Variants in CYTH2 observed in about 807,000 individuals in gnomAD.
CYTH2 encodes the protein cytohesin-2.
A neutral mutation model predicts 55.4 loss-of-function variants in CYTH2; 24 were observed. The observed-to-expected ratio is 0.43, with a 90% CI of 0.31 to 0.61. The LOEUF is 0.61. Ranked by LOEUF, CYTH2 falls within the 20% of genes least tolerant of loss-of-function variation. The pLI, the probability that CYTH2 is intolerant of heterozygous loss-of-function variation, is 0.08. For synonymous variants in CYTH2, 221 were observed against 209.6 expected, an observed-to-expected ratio of 1.05 and a Z score of -0.47; for missense variants, 378 against 533.5, an observed-to-expected ratio of 0.71 and a Z score of 2.87.
At position 48,478,604 on chromosome 19, in the gene CYTH2, C is replaced by T. The variant is rs1299356882; in HGVS notation, c.1112+12C>T. On this transcript the variant is annotated intron_variant, in intron 11 of 11. Transcript: ENST00000452733. ...ATCAAGTCCATCCAGTGAGCCTGGA[C>T]TCCTGGGCCTGATGGAGGAGGGGCT... 2.6e-6 allele frequency: 4 copies of T among 1,545,988 alleles called. No homozygotes were observed. In the Admixed American group the frequency reaches 5.2e-5, roughly 20 times the overall value.
At chr19:48,472,690 T>C in intron 4 of CYTH2, 1 of 547,542 alleles carries the variant, frequency 1.8e-6, no homozygotes, top group South Asian at 1.9e-5. Context: ...TGGGGAAGCA[T>C]CCATTTATGT....
In CYTH2 at chr19:48,479,465, G is replaced by T; in HGVS notation, c.*255G>T. On this transcript the variant is annotated 3_prime_UTR_variant, in exon 12 of 12. Coordinates refer to ENST00000452733, the MANE Select transcript of CYTH2 (RefSeq NM_004228.7). Reference sequence around the variant, plus strand: ...AGCCAGCCTGTTTCCCTGGACAGGGGCCTGGACCCGCCTGTCTCTGGGTGC... The same window carrying T: ...AGCCAGCCTGTTTCCCTGGACAGGGTCCTGGACCCGCCTGTCTCTGGGTGC... The T allele has an allele frequency of 1.8e-5, 9 of 496,186 alleles. No individual in the cohort carries two copies. Among genetic ancestry groups the T allele is most frequent in the Non-Finnish European group, 2.9e-5 (8 of 274,202 alleles). 30.7% of individuals were successfully genotyped at this position (496,186 alleles called of 1,614,324 possible). A position where few individuals can be genotyped will look rare whatever the true frequency, so the allele number is the denominator to read the frequency against.
chr19:48,470,570 C>T, intron 2 of CYTH2, 33 bp from the exon 3 acceptor site: 1 of 1,614,196 alleles, frequency 6.2e-7, no homozygotes, highest in Non-Finnish European at 8.5e-7. Context: ...GGCATTGACC[C>T]TCCACCCCCA....
chr19:48,479,036 G>A (rs1038750107), intron 11 of CYTH2, 87 bp from the exon 12 acceptor site: 1 of 1,389,128 alleles, frequency 7.2e-7, no homozygotes, highest in Non-Finnish European at 1.0e-6. Flanking sequence ...GGGGCCGGGG[G>A]TCTGAGACTC....
At chr19:48,476,100 C>T (rs556112587) in intron 8 of CYTH2, 13 of 492,600 alleles carry the variant, frequency 2.6e-5, no homozygotes, top group South Asian at 1.3e-4. Context: ...TAAACCAGGG[C>T]ATCACCACCT....
chr19:48,474,117 C>T lies in CYTH2; in HGVS notation c.548-65C>T. The T allele has an allele frequency of 1.3e-6, 2 of 1,553,062 alleles. No individual in the cohort carries two copies. Among genetic ancestry groups the T allele is most frequent in the Non-Finnish European group, 1.7e-6 (2 of 1,148,982 alleles). ...GGCTGGGAGCTGGGAATCCTGGGTC[C>T]TGGGGAATGGGGGCACTGGGGACTG... On this transcript the variant is annotated intron_variant, in intron 6 of 11. Coordinates refer to ENST00000452733, the MANE Select transcript of CYTH2 (RefSeq NM_004228.7). The surrounding 1 kb of genome is among the most constrained non-coding windows in gnomAD (Gnocchi z 4.9).
intron 8 of CYTH2, chr19:48,476,010 T>C: frequency 1.9e-6 from 1 of 519,558 alleles, no homozygotes; most frequent in South Asian, 1.4e-5. Context: ...GGAGTCAAGG[T>C]CAGGCTTCTT....
Position 48,473,283 on chromosome 19 carries a change from G to C in CYTH2, c.354-15G>C. The C allele has an allele frequency of 9.3e-6, 15 of 1,613,832 alleles. No homozygotes were observed. Among genetic ancestry groups the C allele is most frequent in the Non-Finnish European group, 1.3e-5 (15 of 1,179,824 alleles). On this transcript the variant is annotated splice_polypyrimidine_tract_variant and intron_variant, in intron 4 of 11. Coordinates refer to ENST00000452733, the MANE Select transcript of CYTH2 (RefSeq NM_004228.7). ...TCCTTTCCAAACTGTATGTGTCTTT[G>C]TCCCATCCTTCCAGGGAAGAACTGA...
chr19:48,472,394 A>C lies in CYTH2; in HGVS notation c.304A>C (p.Lys102Gln), dbSNP rs1432884261. 1 of 1,613,886 alleles carries C rather than the reference A, an allele frequency of 6.2e-7. No homozygotes were observed. Among genetic ancestry groups the C allele is most frequent in the South Asian group, 1.1e-5 (1 of 91,064 alleles). Residue 102 changes from lysine (K) to glutamine (Q), a missense_variant, in exon 4 of 12, where the codon AAG becomes CAG. Physicochemically the swap from Lys to Gln is moderately conservative, Grantham distance 53 (BLOSUM62 1). Coordinates refer to ENST00000452733, the MANE Select transcript of CYTH2 (RefSeq NM_004228.7). ...CGAGGAGATCGCCCGCTTCCTGTAC[A>C]AGGGCGAGGGGCTGAACAAGACAGC... ...TPEEIARFLY[K>Q]GEGLNKTAIG...
Position 48,478,602 on chromosome 19 carries a change from G to C in CYTH2, c.1112+10G>C. On this transcript the variant is annotated intron_variant, in intron 11 of 11. Transcript: ENST00000452733. Reference sequence around the variant, plus strand: ...GGATCAAGTCCATCCAGTGAGCCTGGACTCCTGGGCCTGATGGAGGAGGGG... The same window carrying C: ...GGATCAAGTCCATCCAGTGAGCCTGCACTCCTGGGCCTGATGGAGGAGGGG... 1 of 1,550,126 alleles carries C rather than the reference G, an allele frequency of 6.5e-7. No homozygotes were observed. The highest frequency in any genetic ancestry group is 8.7e-7 in the Non-Finnish European group (1 of 1,145,534).
rs1417125300 is a variant in CYTH2 at position 48,474,816 on chromosome 19, T to C, written c.697-22T>C. 6.2e-7 allele frequency: 1 copy of C among 1,613,056 alleles called. No homozygotes were observed. Among genetic ancestry groups the C allele is most frequent in the African/African-American group, 1.3e-5 (1 of 74,902 alleles). On this transcript the variant is annotated intron_variant, in intron 7 of 11. Transcript: ENST00000452733. This position sits in a 1 kb window ranked among gnomAD's most constrained non-coding sequence, Gnocchi z 4.9. The stretch of plus-strand genomic sequence containing the variant: ...GGGGGCCCCAGGGGGCTCGAATGGC[T>C]AATGCAGCCTTTACTCCTCAGAACC...
In CYTH2 at chr19:48,472,435, G is replaced by C. The variant is rs1219727623; in HGVS notation, c.345G>C (p.Leu115=). 1.9e-6 allele frequency: 3 copies of C among 1,613,006 alleles called. No homozygotes were observed. Among genetic ancestry groups the C allele is most frequent in the East Asian group, 4.5e-5 (2 of 44,890 alleles). ...GLNKTAIGDY[L]GEREELNLAV... is the part of the protein sequence containing the mutation. ...ACAAGACAGCCATCGGGGACTACCTGGGGGAGAGGTACGGTCACCACTCAG... is the reference window on the plus strand; with the variant it reads ...ACAAGACAGCCATCGGGGACTACCTCGGGGAGAGGTACGGTCACCACTCAG... The change falls in exon 4 of 12, where the codon CTG becomes CTC. Residue 115 remains leucine, a synonymous_variant. Coordinates refer to ENST00000452733, the MANE Select transcript of CYTH2 (RefSeq NM_004228.7).
rs774525794 is a variant in CYTH2 at position 48,478,497 on chromosome 19, T to A, written c.1017T>A (p.Thr339=). The A allele has an allele frequency of 2.5e-6, 4 of 1,614,092 alleles. No individual in the cohort carries two copies. The highest frequency in any genetic ancestry group is 3.4e-6 in the Non-Finnish European group (4 of 1,180,020). The change falls in exon 11 of 12, where the codon ACT becomes ACA. Residue 339 remains threonine, a synonymous_variant. Transcript: ENST00000452733. ...NKGQLIKACK[T]EADGRVVEGN... ...GGCAGCTCATCAAAGCCTGCAAAACTGAGGCGGACGGCCGAGTGGTGGAGG... is the reference window on the plus strand; with the variant it reads ...GGCAGCTCATCAAAGCCTGCAAAACAGAGGCGGACGGCCGAGTGGTGGAGG...
At position 48,482,131 on chromosome 19, in the gene CYTH2, T is replaced by G. The variant is rs1328889486; in HGVS notation, c.*2921T>G. On this transcript the variant is annotated 3_prime_UTR_variant, in exon 12 of 12. Transcript: ENST00000452733. The stretch of plus-strand genomic sequence containing the variant: ...CCTCAGGGATGAGGGAGGTCCTCAG[T>G]GAGTGCACCTGCCCAGTCTTGAACC... 1 of 152,142 alleles carries G rather than the reference T, an allele frequency of 6.6e-6. No homozygotes were observed. Among genetic ancestry groups the G allele is most frequent in the Non-Finnish European group, 1.5e-5 (1 of 68,058 alleles). 9.4% of individuals were successfully genotyped at this position (152,142 alleles called of 1,614,324 possible). A position where few individuals can be genotyped will look rare whatever the true frequency, so the allele number is the denominator to read the frequency against.
In CYTH2 at chr19:48,480,717, G is replaced by C. The variant is rs1362049464; in HGVS notation, c.*1507G>C. 1 of 152,260 alleles carries C rather than the reference G, an allele frequency of 6.6e-6. No homozygotes were observed. Among genetic ancestry groups the C allele is most frequent in the Non-Finnish European group, 1.5e-5 (1 of 68,070 alleles). The allele number at this position is 152,260 out of a possible 1,614,324, so 9.4% of individuals were successfully genotyped here. On this transcript the variant is annotated 3_prime_UTR_variant, in exon 12 of 12. Transcript: ENST00000452733. The stretch of plus-strand genomic sequence containing the variant: ...TGGTGGGAAATGGAGTTCCAAATGA[G>C]AAAATAGAATTCCCCACTTCTCTTT...
chr19:48,474,574 C>T lies in CYTH2; in HGVS notation c.696+244C>T, dbSNP rs571173327. 6.6e-6 allele frequency among the ~76,000 whole-genome samples: 1 copy of T among 152,228 alleles called. No homozygotes were observed. The highest frequency in any genetic ancestry group is 2.1e-4 in the South Asian group (1 of 4,824). On this transcript the variant is annotated intron_variant, in intron 7 of 11. Transcript: ENST00000452733. The surrounding 1 kb of genome is among the most constrained non-coding windows in gnomAD (Gnocchi z 4.9). The stretch of plus-strand genomic sequence containing the variant: ...CTCTGTCTCTGGCTGTTGGGCTTTC[C>T]GGCCCTCGATTGGCCTCATTCCCCA...
chr19:48,474,363 C>T lies in CYTH2; in HGVS notation c.696+33C>T, dbSNP rs749366615. ...CCCCTTCCCTGCCCCTCAGCCCTGCCCCTCTTCCTGCCACAGACACCCCCG... is the reference window on the plus strand; with the variant it reads ...CCCCTTCCCTGCCCCTCAGCCCTGCTCCTCTTCCTGCCACAGACACCCCCG... On this transcript the variant is annotated intron_variant, in intron 7 of 11. Coordinates refer to ENST00000452733, the MANE Select transcript of CYTH2 (RefSeq NM_004228.7). The surrounding 1 kb of genome is among the most constrained non-coding windows in gnomAD (Gnocchi z 4.9). 9 of 1,545,564 alleles carry T rather than the reference C, an allele frequency of 5.8e-6. No homozygotes were observed. The highest frequency in any genetic ancestry group is 4.6e-5 in the East Asian group (2 of 43,856).
chr19:48,477,932 C>T (rs1035148172), intron 8 of CYTH2, 137 bp from the exon 9 acceptor site: 7 of 648,204 alleles, frequency 1.1e-5, no homozygotes, highest in Non-Finnish European at 1.9e-5. Flanking sequence ...TGTCTGTCTC[C>T]CCCAACGCAG....
chr19:48,474,748 A>T lies in CYTH2; in HGVS notation c.697-90A>T. 4 of 1,091,098 alleles carry T rather than the reference A, an allele frequency of 3.7e-6. No individual in the cohort carries two copies. Among genetic ancestry groups the T allele is most frequent in the Non-Finnish European group, 5.6e-6 (4 of 717,020 alleles). 67.6% of individuals were successfully genotyped at this position (1,091,098 alleles called of 1,614,324 possible). ...CCCTCTCTCTTCCCCACTATGAGTCATCCCATCCCTGGTCTCGCTGCCCCC... is the reference window on the plus strand; with the variant it reads ...CCCTCTCTCTTCCCCACTATGAGTCTTCCCATCCCTGGTCTCGCTGCCCCC... On this transcript the variant is annotated intron_variant, in intron 7 of 11. Transcript: ENST00000452733. The surrounding 1 kb of genome is among the most constrained non-coding windows in gnomAD (Gnocchi z 4.9).
Sources: allele counts gnomAD v4.1 joint callset (sites outside exome capture counted in the v4.1 genomes callset), GRCh38; gene constraint gnomAD v4.1.1; non-coding constraint Gnocchi (gnomAD v3.1); transcripts MANE v1.5; gene names NCBI Gene and HGNC (gene_info 2026-07-23, HGNC 2026-07-21).